The following NR3C2 variants were observed in gnomAD, a reference collection of about 807,000 sequenced individuals.
NR3C2 encodes the protein nuclear receptor subfamily 3 group C member 2.
A neutral mutation model predicts 86.4 loss-of-function variants in NR3C2; 15 were observed. The observed-to-expected ratio is 0.17, with a 90% CI of 0.12 to 0.27. The LOEUF (loss-of-function observed/expected upper bound fraction) is 0.27, where lower values mean the gene tolerates loss of function less well. NR3C2 is among the 10% of genes least tolerant of loss of function. The pLI, the probability that NR3C2 is intolerant of heterozygous loss-of-function variation, is 1.00. For missense variants in NR3C2, 960 were observed against 1,195.6 expected (o/e 0.80, Z 2.91); for synonymous variants, 458 against 450.5 (o/e 1.02, Z -0.21).
intron 2 of NR3C2, among the ~76,000 whole-genome samples, chr4:148,391,275 T>A (rs1352009286): frequency 1.3e-5 from 2 of 152,230 alleles, no homozygotes; most frequent in Non-Finnish European, 2.9e-5. Context: ...TTCTGTTCTA[T>A]TTCTCACTGT....
chr4:148,082,653 G>A (rs1432645680), intron 8 of NR3C2, among the ~76,000 whole-genome samples: 2 of 145,730 alleles, frequency 1.4e-5, no homozygotes, highest in African/African-American at 5.0e-5. Context: ...GGCAGACACT[G>A]AGCTAGCTGC....
At chr4:148,361,565 T>C (rs72729950) in intron 2 of NR3C2, among the ~76,000 whole-genome samples, 10,740 of 152,244 alleles carry the variant, frequency 0.071, 523 homozygotes, top group Non-Finnish European at 0.1. Flanking sequence ...AATTGTGGGC[T>C]CTGGTTTTAA....
At chr4:148,138,222 G>T (rs1340390283) in intron 6 of NR3C2, among the ~76,000 whole-genome samples, 1 of 152,062 alleles carries the variant, frequency 6.6e-6, no homozygotes, top group East Asian at 1.9e-4. Context: ...TAGGGACCGG[G>T]GCTTACGTCT....
chr4:148,303,527 A>G (rs1272859497), intron 2 of NR3C2, among the ~76,000 whole-genome samples: 1 of 152,190 alleles, frequency 6.6e-6, no homozygotes, highest in Non-Finnish European at 1.5e-5. Context: ...GTCACAAGAC[A>G]TCTTTTTCTC....
rs140385307 is a variant in NR3C2, at chr4:148,423,332, T to C, written c.1757+11772A>G. Among the ~76,000 whole-genome samples the C allele has an allele frequency of 4.6e-5, 7 of 152,264 alleles. No homozygotes were observed. In the East Asian group the frequency reaches 1.4e-3, roughly 29 times the overall value. On this transcript the variant is annotated intron_variant, in intron 2 of 8. Transcript: ENST00000358102. ...TTTTCCCCAACTACCATTAAACCCA[T>C]CCAGGCAAGTTTCATTTGTCCTGCC...
At chr4:148,317,827 T>TA (rs1743280709) in intron 2 of NR3C2, among the ~76,000 whole-genome samples, 1 of 152,020 alleles carries the variant, frequency 6.6e-6, no homozygotes, top group East Asian at 1.9e-4. Context: ...AGTGATTATA[T>TA]AAATAACCTT....
At chr4:148,418,807 G>A (rs1048103041) in intron 2 of NR3C2, among the ~76,000 whole-genome samples, 1 of 152,172 alleles carries the variant, frequency 6.6e-6, no homozygotes, top group Non-Finnish European at 1.5e-5. Context: ...ATTTTACAGA[G>A]GTGGAAGGAA....
At chr4:148,283,319 G>A (rs1188114952) in intron 2 of NR3C2, among the ~76,000 whole-genome samples, 1 of 152,146 alleles carries the variant, frequency 6.6e-6, no homozygotes, top group African/African-American at 2.4e-5. Flanking sequence ...CAAAATTGGT[G>A]AGGTTTTTCA....
At chr4:148,089,871 G>A (rs1013050096) in intron 8 of NR3C2, among the ~76,000 whole-genome samples, 1 of 152,216 alleles carries the variant, frequency 6.6e-6, no homozygotes, top group Non-Finnish European at 1.5e-5. Flanking sequence ...TCGGGACCTC[G>A]ATGCCCTGGA....
At chr4:148,298,211 A>G (rs1444286482) in intron 2 of NR3C2, among the ~76,000 whole-genome samples, 1 of 152,254 alleles carries the variant, frequency 6.6e-6, no homozygotes, top group African/African-American at 2.4e-5. Context: ...TCAATGGAAT[A>G]TTATGCAGCA....
intron 2 of NR3C2, among the ~76,000 whole-genome samples, chr4:148,354,191 T>A (rs1292875704): frequency 2.0e-5 from 3 of 152,120 alleles, no homozygotes; most frequent in African/African-American, 7.2e-5. Context: ...GAAGACCTTT[T>A]TTGATGATCC....
intron 2 of NR3C2, chr4:148,368,391 A>T (rs752665451): frequency 2.6e-5 from 4 of 152,164 alleles, no homozygotes; most frequent in Non-Finnish European, 5.9e-5. Context: ...TGTACAACCG[A>T]ATTACTACCT....
chr4:148,143,275 A>G (rs2149755506), intron 6 of NR3C2, among the ~76,000 whole-genome samples: 1 of 152,338 alleles, frequency 6.6e-6, no homozygotes, highest in South Asian at 2.1e-4. Context: ...AACCAAGGGC[A>G]CTAGAAAAGC....
At chr4:148,327,443 A>G (rs1198909420) in intron 2 of NR3C2, among the ~76,000 whole-genome samples, 1 of 152,198 alleles carries the variant, frequency 6.6e-6, no homozygotes, top group African/African-American at 2.4e-5. Context: ...AAAAACAAAA[A>G]GAAACCCTAA....
intron 6 of NR3C2, among the ~76,000 whole-genome samples, chr4:148,122,694 A>G (rs919088117): frequency 1.3e-5 from 2 of 152,188 alleles, no homozygotes; most frequent in Admixed American, 1.3e-4. Context: ...AGGAACATAA[A>G]TTGTGAAGAT....
intron 2 of NR3C2, among the ~76,000 whole-genome samples, chr4:148,413,433 G>A (rs1175908850): frequency 6.6e-6 from 1 of 151,894 alleles, no homozygotes; most frequent in African/African-American, 2.4e-5. Flanking sequence ...GAGTAGAGAG[G>A]GGTTTCTTAG....
rs975049209 is a variant in NR3C2 at position 148,244,402 on chromosome 4, C to T, written c.1897+15576G>A. 2.6e-5 allele frequency among the ~76,000 whole-genome samples: 4 copies of T among 152,318 alleles called. No individual in the cohort carries two copies. In the South Asian group the frequency reaches 8.3e-4, roughly 32 times the overall value. On this transcript the variant is annotated intron_variant, in intron 3 of 8. Coordinates refer to ENST00000358102, the MANE Select transcript of NR3C2 (RefSeq NM_000901.5). ...CTCCACTTTTCTCCAATATGCTACA[C>T]TCGAAATTGTAGCTACTTTGTCAGG...
In NR3C2 at chr4:148,178,955, A is replaced by C. The variant is rs372820804; in HGVS notation, c.2014+15791T>G. ...GGTAAAAAAAAAAAAAAACAAAAAA[A>C]AACAACAAAACAAAACAAAGAGAAA... On this transcript the variant is annotated intron_variant, in intron 4 of 8. Transcript: ENST00000358102. Among the ~76,000 whole-genome samples, 57 of 151,452 alleles carry C rather than the reference A, an allele frequency of 3.8e-4. 1 individual carries two copies. The South Asian group carries it at 9.9e-3, about 26-fold the overall frequency.
At chr4:148,083,723 G>T (rs990114450) in intron 8 of NR3C2, among the ~76,000 whole-genome samples, 1 of 152,122 alleles carries the variant, frequency 6.6e-6, no homozygotes, top group South Asian at 2.1e-4. Flanking sequence ...TCAGAAGGTG[G>T]ATAATAACAA....
Sources: allele counts gnomAD v4.1 joint callset (sites outside exome capture counted in the v4.1 genomes callset), GRCh38; gene constraint gnomAD v4.1.1; transcripts MANE v1.5; gene names NCBI Gene and HGNC (gene_info 2026-07-23, HGNC 2026-07-21).